MUC4: variants seen among roughly 807,000 people sequenced by gnomAD.
MUC4 encodes the protein mucin 4, cell surface associated, also known as mucin-4.
Under a neutral mutation model 257.9 loss-of-function variants are expected in MUC4, and 202 were observed. That is an observed-to-expected ratio of 0.78 (90% confidence interval 0.70 to 0.88). MUC4 has a LOEUF of 0.88. Among genes scored for constraint, MUC4 ranks in the 40% least tolerant of loss-of-function variants. The pLI is 0.00. For missense variants in MUC4, 5,976 were observed against 6,513.7 expected (o/e 0.92, Z 2.84); for synonymous variants, 2,351 against 2,757.1 (o/e 0.85, Z 4.62).
At chr3:195,754,553 C>T (rs1446891766) in intron 18 of MUC4, among the ~76,000 whole-genome samples, 181 bp from the exon 19 acceptor site, 1 of 152,276 alleles carries the variant, frequency 6.6e-6, no homozygotes, top group East Asian at 1.9e-4. Flanking sequence ...TGCCTAAAGC[C>T]ACACGGTAGT....
At position 195,781,235 on chromosome 3, in the gene MUC4, C is replaced by T. The variant is rs1476346476; in HGVS notation, c.10345G>A (p.Ala3449Thr). The change falls in exon 2 of 25, where the codon GCA becomes ACA. Residue 3449 changes from alanine to threonine, a missense_variant. Ala to Thr is a moderately conservative substitution (Grantham distance 58). This residue lies in a region of MUC4 where 297 missense variants were observed against 240.9 expected (regional missense o/e 1.23). Transcript: ENST00000463781. The part of the protein sequence containing the change: ...TPVPVTSTSS[A>T]STGHTTPLPV... ...AGAGGGGTGGTGTGACCTGTAGATG[C>T]TGAGGAAGTGCTGGTGACAGGAACA... is the stretch of plus-strand genomic sequence containing the variant. The T allele has an allele frequency of 2.1e-6, 3 of 1,400,924 alleles. No homozygotes were observed. The East Asian group carries it at 8.3e-5, about 39-fold the overall frequency. The allele number at this position is 1,400,924 out of a possible 1,614,324, so 86.8% of individuals were successfully genotyped here.
At chr3:195,764,539 G>A (rs2148816347) in intron 10 of MUC4, among the ~76,000 whole-genome samples, 1 of 152,266 alleles carries the variant, frequency 6.6e-6, no homozygotes, top group Non-Finnish European at 1.5e-5. Flanking sequence ...CGTGCTGGGA[G>A]TGGGGAGGGC....
At chr3:195,762,822 C>T (rs752124407) in intron 13 of MUC4, 33 bp downstream of exon 13, 12 of 1,506,476 alleles carry the variant, frequency 8.0e-6, no homozygotes, top group East Asian at 4.9e-5. Flanking sequence ...GCTCCCGGTG[C>T]GGGGAGGGGG....
chr3:195,799,688 A>G (rs1473368468), intron 1 of MUC4, among the ~76,000 whole-genome samples: 1 of 152,210 alleles, frequency 6.6e-6, no homozygotes, highest in Non-Finnish European at 1.5e-5. Flanking sequence ...TGTATTGCTT[A>G]TTTTAAATAA....
chr3:195,775,067 T>A (rs2550251), intron 3 of MUC4, among the ~76,000 whole-genome samples: 1 of 151,804 alleles, frequency 6.6e-6, no homozygotes, highest in African/African-American at 2.4e-5. Flanking sequence ...GGGCTCCAGT[T>A]TGAGAAACCT....
chr3:195,794,088 AAATAAT>A (rs796835678), intron 1 of MUC4, among the ~76,000 whole-genome samples: 1 of 76,994 alleles, frequency 1.3e-5, no homozygotes, highest in Non-Finnish European at 2.9e-5. Flanking sequence ...TAAAAAATAA[AAATAAT>A]AATAATAATA....
At chr3:195,764,679 C>G (rs1054452847) in intron 10 of MUC4, among the ~76,000 whole-genome samples, 1 of 152,082 alleles carries the variant, frequency 6.6e-6, no homozygotes, top group African/African-American at 2.4e-5. Flanking sequence ...AGCTGACTCT[C>G]AGTCTTCCCC....
Position 195,784,003 on chromosome 3 carries a change from G to T in MUC4, c.7577C>A (p.Thr2526Asn), listed in dbSNP as rs1336141946. 3 of 1,523,322 alleles carry T rather than the reference G, an allele frequency of 2.0e-6. No homozygotes were observed. Among genetic ancestry groups the T allele is most frequent in the Admixed American group, 2.0e-5 (1 of 50,002 alleles). The allele number at this position is 1,523,322 out of a possible 1,614,324, so 94.4% of individuals were successfully genotyped here. Reference protein sequence around the residue: ...TDTPSASTGDTTPLPVTNASS... With the variant: ...TDTPSASTGDNTPLPVTNASS... ...AGCATTGGTGACAGGAAGAGGGGTGGTGTCACCTGTGGATGCTGAGGGAGT... is the reference window on the plus strand; with the variant it reads ...AGCATTGGTGACAGGAAGAGGGGTGTTGTCACCTGTGGATGCTGAGGGAGT... The change falls in exon 2 of 25, where the codon ACC becomes AAC. Residue 2526 changes from threonine to asparagine, a missense_variant. Thr to Asn is a moderately conservative substitution (Grantham distance 65, BLOSUM62 0). Transcript: ENST00000463781.
intron 11 of MUC4, 122 bp downstream of exon 11, chr3:195,763,923 C>A: frequency 7.2e-7 from 1 of 1,395,674 alleles, no homozygotes; most frequent in South Asian, 1.5e-5. Context: ...TCACTGGCGT[C>A]ATCTCCATCT....
intron 4 of MUC4, among the ~76,000 whole-genome samples, chr3:195,772,764 C>CTCTCCATCGCTCAGGGGTGTAGACACCCA (rs1723298190): frequency 1.8e-5 from 1 of 54,918 alleles, no homozygotes; most frequent in Non-Finnish European, 3.9e-5. Flanking sequence ...GTAGACACCC[C>CTCTCCATCGCTCAGGGGTGTAGACACCCA]CTCTCCATCG....
chr3:195,751,303 G>A (rs1716386547), intron 21 of MUC4, 32 bp from the exon 22 acceptor site: 4 of 1,541,952 alleles, frequency 2.6e-6, no homozygotes, highest in East Asian at 2.3e-5. Context: ...GGGGGTGGGG[G>A]TGAGGCCCCA....
At chr3:195,747,443 C>G in intron 24 of MUC4, 63 bp from the exon 25 acceptor site, 1 of 1,541,932 alleles carries the variant, frequency 6.5e-7, no homozygotes, top group East Asian at 2.3e-5. Flanking sequence ...AGCCCCTCCT[C>G]TTCTGCTGGG....
intron 20 of MUC4, 117 bp from the exon 21 acceptor site, chr3:195,752,563 G>T: frequency 1.2e-6 from 1 of 834,356 alleles, no homozygotes; most frequent in South Asian, 1.5e-5. Context: ...GGTCACTGAA[G>T]AAACCGGGAG....
chr3:195,786,499 G>T lies in MUC4; in HGVS notation c.5081C>A (p.Thr1694Asn), dbSNP rs1307864282. ...AACGTCGGTGACAGGAAGACGGGTGGTGTCATCTGTGGTAGCTGAGGAAAG... is the reference window on the plus strand; with the variant it reads ...AACGTCGGTGACAGGAAGACGGGTGTTGTCATCTGTGGTAGCTGAGGAAAG... ...TGLSSATTDD[T>N]TRLPVTDVSS... Residue 1694 changes from threonine (T) to asparagine (N), a missense_variant, in exon 2 of 25, where the codon ACC (threonine) becomes AAC (asparagine). By Grantham distance (65) the Thr-to-Asn change is moderately conservative (BLOSUM62 0). Around this residue, in one of 44 missense-constraint regions of MUC4, gnomAD observed 138 missense variants for 107.8 expected, o/e 1.28. Coordinates refer to ENST00000463781, the MANE Select transcript of MUC4 (RefSeq NM_018406.7). 4.6e-6 allele frequency: 7 copies of T among 1,526,704 alleles called. No homozygotes were observed. The highest frequency in any genetic ancestry group is 2.5e-5 in the East Asian group (1 of 40,018). The allele number at this position is 1,526,704 out of a possible 1,614,324, so 94.6% of individuals were successfully genotyped here.
Position 195,765,457 on chromosome 3 carries a change from C to A in MUC4, c.13619-8G>T, listed in dbSNP as rs367546411. The A allele has an allele frequency of 3.1e-6, 5 of 1,607,782 alleles. No homozygotes were observed. The highest frequency in any genetic ancestry group is 4.3e-6 in the Non-Finnish European group (5 of 1,176,330). Reference sequence around the variant, plus strand: ...ACTGCAGCCCTTGGAGGCCTGAGGTCGGGGATGGGGGGGAAAGGGCTTATC... The same window carrying A: ...ACTGCAGCCCTTGGAGGCCTGAGGTAGGGGATGGGGGGGAAAGGGCTTATC... On this transcript the variant is annotated splice_polypyrimidine_tract_variant and splice_region_variant and intron_variant, in intron 8 of 24. Coordinates refer to ENST00000463781, the MANE Select transcript of MUC4 (RefSeq NM_018406.7).
At chr3:195,799,213 G>T (rs62282507) in intron 1 of MUC4, among the ~76,000 whole-genome samples, 1 of 144,966 alleles carries the variant, frequency 6.9e-6, no homozygotes, top group Non-Finnish European at 1.5e-5. Flanking sequence ...TGTGTTGCTA[G>T]TATGTATGTG....
intron 13 of MUC4, 91 bp downstream of exon 13, chr3:195,762,764 C>A: frequency 8.0e-7 from 1 of 1,252,006 alleles, no homozygotes; most frequent in Non-Finnish European, 1.1e-6. Context: ...CCCTGCACCG[C>A]CACGCGCCCG....
At chr3:195,773,431 C>G (rs1723596518) in intron 4 of MUC4, among the ~76,000 whole-genome samples, 1 of 149,920 alleles carries the variant, frequency 6.7e-6, no homozygotes, top group African/African-American at 2.5e-5. Context: ...AAACCTCTCT[C>G]TCACTCAGCA....
chr3:195,763,665 C>T, intron 11 of MUC4, 24 bp from the exon 12 acceptor site: 2 of 1,474,892 alleles, frequency 1.4e-6, no homozygotes, highest in Non-Finnish European at 1.8e-6. Context: ...AGAGATGCTG[C>T]CTCAGCATGA....
Sources: gnomAD v4.1 joint callset for allele counts (sites outside exome capture counted in the v4.1 genomes callset) on GRCh38, gnomAD v4.1.1 for gene constraint, gnomAD v4.1.1 regional missense constraint, MANE v1.5 for transcripts, NCBI Gene and HGNC (gene_info 2026-07-23, HGNC 2026-07-21) for gene names.